ALK: variants seen among roughly 807,000 people sequenced by gnomAD.
ALK encodes the protein ALK tyrosine kinase receptor.
Under a neutral mutation model 163.1 loss-of-function variants are expected in ALK, and 74 were observed. The ratio of observed to expected loss-of-function variants is 0.45; its 90% confidence interval spans 0.38 to 0.55. ALK has a LOEUF of 0.55. Among genes scored for constraint, ALK ranks in the 20% least tolerant of loss-of-function variants. ALK has a pLI of 0.00. For synonymous variants in ALK, 960 were observed against 843.2 expected, an observed-to-expected ratio of 1.14 and a Z score of -2.40; for missense variants, 2,063 against 2,105.3, an observed-to-expected ratio of 0.98 and a Z score of 0.39.
chr2:29,251,097 A>G lies in ALK; in HGVS notation c.2204+8T>C, dbSNP rs758076491. On this transcript the variant is annotated splice_region_variant and intron_variant, in intron 12 of 28. Coordinates refer to ENST00000389048, the MANE Select transcript of ALK (RefSeq NM_004304.5). ...TCTGCCCCTCCCCTCCCCCTCTTCCATACGCACCTGTAGGTGTCGGTGGCT... is the reference window on the plus strand; with the variant it reads ...TCTGCCCCTCCCCTCCCCCTCTTCCGTACGCACCTGTAGGTGTCGGTGGCT... 3.4e-5 allele frequency: 55 copies of G among 1,613,430 alleles called. No individual in the cohort carries two copies. The South Asian group carries it at 5.8e-4, about 17-fold the overall frequency.
chr2:29,564,103 A>G (rs144343567), intron 3 of ALK, among the ~76,000 whole-genome samples: 6 of 152,130 alleles, frequency 3.9e-5, no homozygotes, highest in Non-Finnish European at 7.4e-5. Context: ...ATCTTCCATA[A>G]TGGGGCATCT....
chr2:29,332,012 C>T (rs1040998686), intron 5 of ALK, among the ~76,000 whole-genome samples: 2 of 151,910 alleles, frequency 1.3e-5, no homozygotes, highest in South Asian at 2.1e-4. Context: ...ATCAGCCAGG[C>T]GTGGTAGCTC....
chr2:29,309,912 CA>C (rs1666652232), intron 8 of ALK, among the ~76,000 whole-genome samples: 1 of 152,306 alleles, frequency 6.6e-6, no homozygotes, highest in African/African-American at 2.4e-5. Flanking sequence ...ATTTATGCAG[CA>C]GCAACTTCCT....
chr2:29,620,647 C>T (rs1281178720), intron 3 of ALK, among the ~76,000 whole-genome samples: 1 of 152,080 alleles, frequency 6.6e-6, no homozygotes, highest in Non-Finnish European at 1.5e-5. Context: ...AGGCGGCAGA[C>T]TTCTCTTCAC....
chr2:29,821,886 G>A (rs928173503), intron 1 of ALK, among the ~76,000 whole-genome samples: 17 of 152,126 alleles, frequency 1.1e-4, no homozygotes, highest in African/African-American at 4.1e-4. Flanking sequence ...CACAGACTGG[G>A]GATTCAGGGG....
intron 6 of ALK, among the ~76,000 whole-genome samples, chr2:29,326,788 C>T (rs1417559727): frequency 6.6e-6 from 1 of 152,198 alleles, no homozygotes; most frequent in East Asian, 1.9e-4. Flanking sequence ...ATGAAACCTT[C>T]TCCACCCCCC....
chr2:29,385,583 G>T (rs569389711), intron 4 of ALK, among the ~76,000 whole-genome samples: 23 of 152,116 alleles, frequency 1.5e-4, no homozygotes, highest in South Asian at 8.3e-4. Context: ...CAGAGACAGG[G>T]TCTCACTGTC....
chr2:29,484,778 G>A (rs1188208466), intron 4 of ALK, among the ~76,000 whole-genome samples: 4 of 151,972 alleles, frequency 2.6e-5, no homozygotes, highest in Non-Finnish European at 5.9e-5. Context: ...TTATTTGTAC[G>A]TTATTCCTTA....
At chr2:29,758,264 C>A (rs1680596083) in intron 1 of ALK, among the ~76,000 whole-genome samples, 1 of 152,084 alleles carries the variant, frequency 6.6e-6, no homozygotes, top group African/African-American at 2.4e-5. Context: ...CCTGCCTCAG[C>A]CTCTCAAGGT....
At chr2:29,398,028 C>T (rs1669352631) in intron 4 of ALK, among the ~76,000 whole-genome samples, 1 of 152,178 alleles carries the variant, frequency 6.6e-6, no homozygotes, top group Non-Finnish European at 1.5e-5. Flanking sequence ...GCTGGGACTG[C>T]CACTGCCAAT....
At chr2:29,351,069 A>T (rs1170104170) in intron 5 of ALK, among the ~76,000 whole-genome samples, 1 of 152,228 alleles carries the variant, frequency 6.6e-6, no homozygotes, top group East Asian at 1.9e-4. Context: ...AAATTTGGGC[A>T]ACATTTAAAA....
chr2:29,659,612 A>G (rs1677290430), intron 3 of ALK, among the ~76,000 whole-genome samples: 1 of 152,172 alleles, frequency 6.6e-6, no homozygotes. Context: ...CTGGGGCTGG[A>G]CCAAAGTTAT....
chr2:29,402,975 T>C (rs1278207150), intron 4 of ALK, among the ~76,000 whole-genome samples: 1 of 152,150 alleles, frequency 6.6e-6, no homozygotes. Context: ...AAGCAGCTGG[T>C]TGTTTTGAAC....
intron 4 of ALK, among the ~76,000 whole-genome samples, chr2:29,506,745 C>CAAAA (rs199967581): frequency 9.6e-6 from 1 of 104,540 alleles, no homozygotes; most frequent in African/African-American, 3.6e-5. Flanking sequence ...GACTCCGTCT[C>CAAAA]AAAAACAAAA....
chr2:29,389,643 T>C (rs1669113933), intron 4 of ALK, among the ~76,000 whole-genome samples: 1 of 152,322 alleles, frequency 6.6e-6, no homozygotes, highest in Non-Finnish European at 1.5e-5. Context: ...CATATTTCTG[T>C]TAAATCAGAC....
chr2:29,562,737 A>C (rs1190373881), intron 3 of ALK, among the ~76,000 whole-genome samples: 3 of 152,230 alleles, frequency 2.0e-5, no homozygotes, highest in South Asian at 2.1e-4. Context: ...ACTGGAATGC[A>C]AAGACTGTCT....
intron 1 of ALK, among the ~76,000 whole-genome samples, chr2:29,898,923 T>C (rs1005279885): frequency 5.9e-5 from 9 of 152,220 alleles, no homozygotes; most frequent in Non-Finnish European, 1.5e-5. Context: ...TTAAAGATGA[T>C]GTGACTACCT....
chr2:29,620,578 T>C (rs2148228784), intron 3 of ALK, among the ~76,000 whole-genome samples: 1 of 152,222 alleles, frequency 6.6e-6, no homozygotes, highest in South Asian at 2.1e-4. Flanking sequence ...CCCTGGATTC[T>C]AGACCCGGCT....
chr2:29,412,398 T>G (rs1669746222), intron 4 of ALK, among the ~76,000 whole-genome samples: 1 of 152,196 alleles, frequency 6.6e-6, no homozygotes, highest in Non-Finnish European at 1.5e-5. Context: ...GGGTTTTCAC[T>G]GTGCCAGATC....
Sources: allele counts gnomAD v4.1 joint callset (sites outside exome capture counted in the v4.1 genomes callset), GRCh38; gene constraint gnomAD v4.1.1; transcripts MANE v1.5; gene names NCBI Gene and HGNC (gene_info 2026-07-23, HGNC 2026-07-21).